The following NEB variants were observed in gnomAD, a reference collection of about 807,000 sequenced individuals.
NEB encodes the protein nemaline myopathy type 2.
In NEB, 512 loss-of-function variants were observed where a neutral mutation model predicts 952.2. That is an observed-to-expected ratio of 0.54 (90% CI 0.50 to 0.58). The LOEUF (loss-of-function observed/expected upper bound fraction) is 0.58, where lower values mean the gene tolerates loss of function less well. Ranked by LOEUF, NEB falls within the 20% of genes least tolerant of loss-of-function variation. The pLI, the probability that NEB is intolerant of heterozygous loss-of-function variation, is 0.00. For missense variants in NEB, 8,428 were observed against 9,231.1 expected, an observed-to-expected ratio of 0.91 and a Z score of 3.56; for synonymous variants, 2,900 against 3,149.8, an observed-to-expected ratio of 0.92 and a Z score of 2.66.
chr2:151,677,471 A>ATATT (rs2099376186), intron 34 of NEB, 94 bp downstream of exon 34: 1 of 900,222 alleles, frequency 1.1e-6, no homozygotes, highest in Non-Finnish European at 1.6e-6. Context: ...AAATGGAAAG[A>ATATT]TATTGGCCCA....
chr2:151,563,613 C>T lies in NEB; in HGVS notation c.18686G>A (p.Arg6229Lys). Residue 6229 changes from arginine (R) to lysine (K), a missense_variant, in exon 119 of 182, where the codon AGG becomes AAG. Arg to Lys is a conservative substitution (Grantham distance 26, BLOSUM62 2). Transcript: ENST00000397345. ...VVHCLDFQKM[R>K]SALNYRKHYE... is the part of the protein sequence containing the mutation. ...AAGTGGACATTTACTTACCGCACTC[C>T]TCATCTTTTGGAAATCCAGACAGTG... The T allele has an allele frequency of 1.2e-6, 2 of 1,613,434 alleles. No homozygotes were observed. The highest frequency in any genetic ancestry group is 8.5e-7 in the Non-Finnish European group (1 of 1,179,402).
rs758444605 is a variant in NEB at position 151,490,481 on chromosome 2, A to C, written c.25188T>G (p.Ser8396=). 1 of 1,609,288 alleles carries C rather than the reference A, an allele frequency of 6.2e-7. No individual in the cohort carries two copies. Among genetic ancestry groups the C allele is most frequent in the Non-Finnish European group, 8.5e-7 (1 of 1,177,902 alleles). The change falls in exon 180 of 182, where the codon TCT becomes TCG. Residue 8396 remains serine (S), a synonymous_variant. Transcript: ENST00000397345. ...AQRRSREQSR[S]ASALSISGGE... ...CCCCACTGATGCTTAGTGCACTGGC[A>C]GATCGTGACTGCTCCCGGCTCCGGC...
intron 74 of NEB, among the ~76,000 whole-genome samples, chr2:151,618,005 A>G (rs1211244749): frequency 6.6e-6 from 1 of 152,212 alleles, no homozygotes; most frequent in Non-Finnish European, 1.5e-5. Context: ...GGTTGCAGTG[A>G]GCCAAGATCG....
intron 168 of NEB, among the ~76,000 whole-genome samples, chr2:151,499,945 A>C (rs2063168560): frequency 6.6e-6 from 1 of 152,262 alleles, no homozygotes; most frequent in African/African-American, 2.4e-5. Flanking sequence ...CTGTGTAAAA[A>C]TTAACACAAA....
chr2:151,577,811 C>T (rs1465685766), intron 105 of NEB, among the ~76,000 whole-genome samples: 1 of 152,180 alleles, frequency 6.6e-6, no homozygotes, highest in Non-Finnish European at 1.5e-5. Context: ...AATTCTGGAC[C>T]TTGTGATCCA....
rs750647701 is a variant in NEB at position 151,545,890 on chromosome 2, C to G, written c.20575G>C (p.Glu6859Gln). 2.5e-6 allele frequency: 4 copies of G among 1,583,540 alleles called. No homozygotes were observed. The Admixed American group carries it at 6.8e-5, about 27-fold the overall frequency. Reference protein sequence around the residue: ...KVQELKTHLSELVYRAAGKKQ... With the variant: ...KVQELKTHLSQLVYRAAGKKQ... ...AATGACAAGTAAAGCGTCCTTACCT[C>G]ACTCAGATGTGTCTTCAGTTCTTGC... is the stretch of plus-strand genomic sequence containing the variant. Residue 6859 changes from glutamate (E) to glutamine (Q), a missense_variant and splice_region_variant, in exon 135 of 182, where the codon GAG becomes CAG. Physicochemically the swap from Glu to Gln is conservative, Grantham distance 29. This residue lies in a region of NEB where 3,374 missense variants were observed against 3,651.5 expected (regional missense o/e 0.92). Coordinates refer to ENST00000397345, the MANE Select transcript of NEB (RefSeq NM_001164508.2).
rs1471874918 is a variant in NEB, at chr2:151,605,996, T to G, written c.12747+610A>C. 7.1e-5 allele frequency among the ~76,000 whole-genome samples: 7 copies of G among 99,194 alleles called. 2 individuals are homozygous for G. Among genetic ancestry groups the G allele is most frequent in the Non-Finnish European group, 1.0e-4 (4 of 38,562 alleles). 65.1% of individuals were successfully genotyped at this position (99,194 alleles called of 152,430 possible). ...TTTTTGTTTGTTTGTTTGTTTGTAT[T>G]TTTAGTAGAGATGAGGTTTTACCAT... On this transcript the variant is annotated intron_variant, in intron 84 of 181. Transcript: ENST00000397345.
chr2:151,636,372 A>T, intron 63 of NEB, 38 bp from the exon 64 acceptor site: 1 of 1,491,218 alleles, frequency 6.7e-7, no homozygotes. Context: ...GCTGACATTT[A>T]TATCTAAAAA....
chr2:151,576,405 T>C (rs369198856), intron 105 of NEB, 51 bp from the exon 106 acceptor site: 13 of 1,387,468 alleles, frequency 9.4e-6, no homozygotes, highest in East Asian at 4.7e-5. Flanking sequence ...GTTGTGTATG[T>C]GTGTGGTAAA....
chr2:151,622,999 TGGGCA>T (rs1162423933), intron 71 of NEB, among the ~76,000 whole-genome samples: 1 of 152,206 alleles, frequency 6.6e-6, no homozygotes, highest in Non-Finnish European at 1.5e-5. Flanking sequence ...GGGGCATTCT[TGGGCA>T]GATAATTTAG....
At chr2:151,535,118 A>C (rs1328443550) in intron 142 of NEB, among the ~76,000 whole-genome samples, 1 of 152,240 alleles carries the variant, frequency 6.6e-6, no homozygotes, top group Non-Finnish European at 1.5e-5. Flanking sequence ...TTTAACTTAA[A>C]TTATTGCAAA....
chr2:151,576,283 C>T lies in NEB; in HGVS notation c.16776G>A (p.Leu5592=). 7 of 1,610,916 alleles carry T rather than the reference C, an allele frequency of 4.3e-6. No individual in the cohort carries two copies. Among genetic ancestry groups the T allele is most frequent in the African/African-American group, 1.3e-5 (1 of 74,744 alleles). The part of the protein sequence containing the change: ...GWMPQGSPEV[L]RVKNAQNIFC... ...AGATATTCTGGGCGTTTTTGACTCT[C>T]AACACTTCAGGAGACCCTTGGGGCA... The change falls in exon 106 of 182, where the codon TTG becomes TTA. Residue 5592 remains leucine (L), a synonymous_variant. Transcript: ENST00000397345.
intron 124 of NEB, 66 bp downstream of exon 124, chr2:151,560,526 T>C: frequency 2.4e-6 from 3 of 1,253,008 alleles, no homozygotes; most frequent in Non-Finnish European, 3.4e-6. Context: ...CCTGAAAGAT[T>C]CTTGGAGTGG....
At chr2:151,546,816 C>T (rs2094777051) in intron 133 of NEB, among the ~76,000 whole-genome samples, 1 of 152,116 alleles carries the variant, frequency 6.6e-6, no homozygotes, top group African/African-American at 2.4e-5. Context: ...ACCTCAGCCT[C>T]CCAAAGTGCT....
At chr2:151,682,441 T>C (rs529736855) in intron 29 of NEB, among the ~76,000 whole-genome samples, 16 of 152,336 alleles carry the variant, frequency 1.1e-4, no homozygotes, top group Non-Finnish European at 2.1e-4. Flanking sequence ...TATACCTTAA[T>C]AAAATTGTTA....
intron 80 of NEB, 95 bp from the exon 81 acceptor site, chr2:151,610,215 A>G (rs2097896312): frequency 1.9e-6 from 2 of 1,030,598 alleles, no homozygotes; most frequent in African/African-American, 3.2e-5. Context: ...AAGATTTTAT[A>G]TTACAAACAT....
intron 166 of NEB, 98 bp from the exon 167 acceptor site, chr2:151,502,983 T>C (rs1044694703): frequency 1.7e-5 from 12 of 695,528 alleles, no homozygotes; most frequent in African/African-American, 3.7e-5. Context: ...GAGGAGGCAG[T>C]TTTTTAGTAA....
Position 151,719,305 on chromosome 2 carries a change from A to G in NEB, c.718-1785T>C, listed in dbSNP as rs971079641. On this transcript the variant is annotated intron_variant, in intron 9 of 181. Transcript: ENST00000397345. ...ACTGAGGCCATGGGGGAATGTCTCA[A>G]GAGGAGAATTATCTTTCTAATCTTC... Among the ~76,000 whole-genome samples, 6 of 152,342 alleles carry G rather than the reference A, an allele frequency of 3.9e-5. No individual in the cohort carries two copies. In the South Asian group the frequency reaches 1.2e-3, roughly 32 times the overall value.
At chr2:151,690,871 T>C (rs1171264330) in intron 23 of NEB, 46 bp from the exon 24 acceptor site, 1 of 1,358,640 alleles carries the variant, frequency 7.4e-7, no homozygotes, top group South Asian at 1.3e-5. Flanking sequence ...ATATTCTTGG[T>C]TATACATGCG....
Sources: allele counts gnomAD v4.1 joint callset (sites outside exome capture counted in the v4.1 genomes callset), GRCh38; gene constraint gnomAD v4.1.1; regional missense constraint gnomAD v4.1.1; transcripts MANE v1.5; gene names NCBI Gene and HGNC (gene_info 2026-07-23, HGNC 2026-07-21).